TENM2: variants seen among roughly 807,000 people sequenced by gnomAD.
The protein encoded by TENM2 is teneurin transmembrane protein 2.
In TENM2, 52 loss-of-function variants were observed where a neutral mutation model predicts 245.2. The observed-to-expected ratio is 0.21, with a 90% confidence interval of 0.17 to 0.27. The LOEUF (loss-of-function observed/expected upper bound fraction) is 0.27, where lower values mean the gene tolerates loss of function less well. TENM2 is among the 10% of genes least tolerant of loss of function. TENM2 has a pLI of 1.00. For missense variants in TENM2, 3,046 were observed against 3,666.8 expected, an observed-to-expected ratio of 0.83 and a Z score of 4.37; for synonymous variants, 1,363 against 1,438.9, an observed-to-expected ratio of 0.95 and a Z score of 1.19.
chr5:167,104,827 G>A, the TENM2 span, among the ~76,000 whole-genome samples: 1 of 152,112 alleles, frequency 6.6e-6, no homozygotes, highest in African/African-American at 2.4e-5. Context: ...AAAAATATAT[G>A]GAATCTGAAA....
intron 2 of TENM2, among the ~76,000 whole-genome samples, chr5:167,582,666 A>G (rs750964125): frequency 6.6e-6 from 1 of 152,240 alleles, no homozygotes; most frequent in Non-Finnish European, 1.5e-5. Context: ...ATAAATGAAC[A>G]TTTACATGGC....
intron 2 of TENM2, among the ~76,000 whole-genome samples, chr5:167,636,918 G>A (rs1473100236): frequency 6.6e-6 from 1 of 152,164 alleles, no homozygotes; most frequent in Non-Finnish European, 1.5e-5. Flanking sequence ...CCTGCAAGTT[G>A]ACATTGTGTC....
chr5:167,701,133 G>C (rs2150439867), intron 2 of TENM2, among the ~76,000 whole-genome samples: 1 of 152,202 alleles, frequency 6.6e-6, no homozygotes, highest in Non-Finnish European at 1.5e-5. Flanking sequence ...ACAGCTGCTA[G>C]AAAAATGTAC....
intron 3 of TENM2, among the ~76,000 whole-genome samples, chr5:167,889,779 A>G (rs1424478429): frequency 1.3e-5 from 2 of 152,078 alleles, no homozygotes; most frequent in African/African-American, 2.4e-5. Context: ...TGTTTACGAC[A>G]TTAGGATGCT....
intron 13 of TENM2, among the ~76,000 whole-genome samples, chr5:168,165,647 AACCCCCCCCC>A: frequency 6.3e-5 from 1 of 15,874 alleles, no homozygotes; most frequent in Non-Finnish European, 1.2e-4. Flanking sequence ...TCCCCCCCCC[AACCCCCCCCC>A]CCCCCCCGGC....
intron 2 of TENM2, among the ~76,000 whole-genome samples, chr5:167,557,451 C>T (rs1245070977): frequency 6.6e-6 from 1 of 152,182 alleles, no homozygotes; most frequent in Non-Finnish European, 1.5e-5. Context: ...TACTCTCCTG[C>T]ATTTATTTTC....
At chr5:167,224,994 G>C in the TENM2 span, among the ~76,000 whole-genome samples, 1 of 151,606 alleles carries the variant, frequency 6.6e-6, no homozygotes, top group Non-Finnish European at 1.5e-5. Flanking sequence ...CCTAATTTCT[G>C]TTTCATCTAT....
At chr5:168,118,189 G>A (rs1795218099) in intron 9 of TENM2, 103 bp from the exon 12 acceptor site, 1 of 977,402 alleles carries the variant, frequency 1.0e-6, no homozygotes, top group Non-Finnish European at 1.5e-6. Context: ...CTAGAACACT[G>A]TAAGCCAAGC....
intron 2 of TENM2, among the ~76,000 whole-genome samples, chr5:167,520,498 G>T (rs1201218468): frequency 2.0e-5 from 3 of 152,038 alleles, no homozygotes; most frequent in Non-Finnish European, 4.4e-5. Flanking sequence ...TTTTGTATGA[G>T]GATCATAATG....
chr5:168,246,450 AG>A (rs1175482751), intron 26 of TENM2, among the ~76,000 whole-genome samples: 1 of 152,124 alleles, frequency 6.6e-6, no homozygotes, highest in Non-Finnish European at 1.5e-5. Context: ...TGGCATTTGC[AG>A]GGAGTTTGTT....
At position 167,350,915 on chromosome 5, in the gene TENM2, G is replaced by A. The variant is rs945596485; in HGVS notation, c.227-24283G>A. On this transcript the variant is annotated intron_variant, in intron 1 of 28. Coordinates refer to ENST00000518659, the Ensembl canonical transcript of TENM2. ...TGTATACATATGGATATATATATGG[G>A]ATATATACATATGGATATATATATG... Among the ~76,000 whole-genome samples the A allele has an allele frequency of 3.0e-5, 2 of 66,610 alleles. 1 individual carries two copies. Among genetic ancestry groups the A allele is most frequent in the African/African-American group, 9.3e-5 (2 of 21,438 alleles). The allele number at this position is 66,610 out of a possible 152,430, so 43.7% of individuals were successfully genotyped here.
At chr5:167,425,921 G>A (rs1763788626) in intron 2 of TENM2, among the ~76,000 whole-genome samples, 1 of 152,160 alleles carries the variant, frequency 6.6e-6, no homozygotes. Context: ...TACTTTTGCT[G>A]TTATTAATGT....
At chr5:167,241,867 T>C in the TENM2 span, among the ~76,000 whole-genome samples, 1 of 152,158 alleles carries the variant, frequency 6.6e-6, no homozygotes, top group Non-Finnish European at 1.5e-5. Context: ...TAACGGTTGA[T>C]GGCTGAGGAA....
At chr5:167,432,637 C>G (rs1397390432) in intron 2 of TENM2, among the ~76,000 whole-genome samples, 8 of 150,150 alleles carry the variant, frequency 5.3e-5, no homozygotes, top group Admixed American at 5.3e-4. Flanking sequence ...TCATATACTT[C>G]TCTGCTGGAG....
chr5:167,667,683 G>C lies in TENM2; in HGVS notation c.503-208303G>C, dbSNP rs138510302. 3.1e-3 allele frequency among the ~76,000 whole-genome samples: 470 copies of C among 152,318 alleles called. 6 individuals carry two copies. Among genetic ancestry groups the C allele is most frequent in the South Asian group, 0.03 (144 of 4,824 alleles). On this transcript the variant is annotated intron_variant, in intron 2 of 28. Coordinates refer to ENST00000518659, the Ensembl canonical transcript of TENM2. ...CAGTATCTGCCATGGGCAGTGGAGA[G>C]GAGACAGTCGTCTCACTAATGTCCA...
At chr5:167,635,902 C>G (rs1222045885) in intron 2 of TENM2, among the ~76,000 whole-genome samples, 1 of 151,904 alleles carries the variant, frequency 6.6e-6, no homozygotes, top group Non-Finnish European at 1.5e-5. Context: ...CCTCGGCCTC[C>G]CAAAGCACTG....
chr5:167,539,800 TATC>T (rs1353236789), intron 2 of TENM2, among the ~76,000 whole-genome samples: 5 of 152,198 alleles, frequency 3.3e-5, no homozygotes, highest in African/African-American at 1.2e-4. Context: ...GAGCGGCTGG[TATC>T]ATGTGATCTT....
chr5:167,153,562 A>G, the TENM2 span, among the ~76,000 whole-genome samples: 2 of 152,010 alleles, frequency 1.3e-5, no homozygotes, highest in South Asian at 2.1e-4. Flanking sequence ...TGTCATTTTC[A>G]TTGAAAAATA....
chr5:167,757,369 G>T (rs924161971), intron 2 of TENM2, among the ~76,000 whole-genome samples: 4 of 151,554 alleles, frequency 2.6e-5, no homozygotes, highest in African/African-American at 4.8e-5. Context: ...GTGTTAGTTT[G>T]CTGAGAATGA....
Sources: allele counts gnomAD v4.1 joint callset (sites outside exome capture counted in the v4.1 genomes callset), GRCh38; gene constraint gnomAD v4.1.1; transcripts MANE v1.5; gene names NCBI Gene and HGNC (gene_info 2026-07-23, HGNC 2026-07-21).